The following TMX2 variants were observed in gnomAD, a reference collection of about 807,000 sequenced individuals.
The protein encoded by TMX2 is thioredoxin-related transmembrane protein 2.
A neutral mutation model predicts 33.4 loss-of-function variants in TMX2; 20 were observed. That is an observed-to-expected ratio of 0.60 (90% CI 0.42 to 0.87). The LOEUF is 0.87. TMX2 is among the 40% of genes least tolerant of loss of function. The pLI is 0.00. For missense variants in TMX2, 340 were observed against 370.7 expected, an observed-to-expected ratio of 0.92 and a Z score of 0.68; for synonymous variants, 166 against 140.7, an observed-to-expected ratio of 1.18 and a Z score of -1.27.
intron 1 of TMX2, among the ~76,000 whole-genome samples, chr11:57,721,908 T>A (rs987440313): frequency 6.6e-6 from 1 of 152,178 alleles, no homozygotes; most frequent in Admixed American, 6.6e-5. Flanking sequence ...CTCCCTGGAT[T>A]GGACTTGCCC....
chr11:57,714,462 C>A (rs1946845883), intron 1 of TMX2, among the ~76,000 whole-genome samples: 1 of 152,144 alleles, frequency 6.6e-6, no homozygotes, highest in Non-Finnish European at 1.5e-5. Context: ...AGATTAATAG[C>A]AATCTATTTT....
chr11:57,714,357 G>A (rs1421852637), intron 1 of TMX2, among the ~76,000 whole-genome samples: 2 of 152,314 alleles, frequency 1.3e-5, no homozygotes, highest in African/African-American at 4.8e-5. Context: ...TATTTAATAA[G>A]AGAGACATTT....
At chr11:57,730,900 G>C (rs1206719722) in intron 1 of TMX2, among the ~76,000 whole-genome samples, 1 of 152,046 alleles carries the variant, frequency 6.6e-6, no homozygotes, top group Non-Finnish European at 1.5e-5. Flanking sequence ...TTTTAAAGGG[G>C]TTGTATAATT....
rs113128831 is a variant in TMX2, at chr11:57,730,108, C to A, written c.190-7500C>A. On this transcript the variant is annotated intron_variant, in intron 1 of 7. Transcript: ENST00000278422. ...AACAGAGCAAGACTCCGTTTCCCCCCACAAAAAAAAATAATTATATATATA... is the reference window on the plus strand; with the variant it reads ...AACAGAGCAAGACTCCGTTTCCCCCAACAAAAAAAAATAATTATATATATA... Among the ~76,000 whole-genome samples the A allele has an allele frequency of 5.7e-5, 8 of 140,372 alleles. No homozygotes were observed. In the East Asian group the frequency reaches 8.4e-4, roughly 15 times the overall value. The allele number at this position is 140,372 out of a possible 152,430, so 92.1% of individuals were successfully genotyped here. A position where few individuals can be genotyped will look rare whatever the true frequency, so the allele number is the denominator to read the frequency against.
At chr11:57,716,642 G>A (rs1590903888) in intron 1 of TMX2, among the ~76,000 whole-genome samples, 3 of 141,456 alleles carry the variant, frequency 2.1e-5, no homozygotes, top group Non-Finnish European at 4.7e-5. Context: ...CTCCCGGACG[G>A]GGCGGCTGGC....
At chr11:57,740,031 T>G (rs1056821181) in intron 7 of TMX2, 68 bp from the exon 8 acceptor site, 1 of 1,606,164 alleles carries the variant, frequency 6.2e-7, no homozygotes, top group African/African-American at 1.3e-5. Flanking sequence ...GTAAAATACC[T>G]CTTACTTCCC....
intron 7 of TMX2, 32 bp downstream of exon 7, chr11:57,739,292 G>T (rs749147730): frequency 6.2e-7 from 1 of 1,612,878 alleles, no homozygotes; most frequent in Non-Finnish European, 8.5e-7. Flanking sequence ...TGCATGAAGG[G>T]TGCAGAACAG....
intron 1 of TMX2, among the ~76,000 whole-genome samples, chr11:57,716,833 CG>C (rs1388085044): frequency 7.7e-6 from 1 of 129,174 alleles, no homozygotes; most frequent in Non-Finnish European, 1.6e-5. Flanking sequence ...GCTGGCCGGG[CG>C]GGGGGCTGAC....
At chr11:57,739,285 A>C (rs1446666651) in intron 7 of TMX2, 25 bp downstream of exon 7, 3 of 1,613,732 alleles carry the variant, frequency 1.9e-6, no homozygotes, top group East Asian at 2.2e-5. Flanking sequence ...GGGCAGGTGC[A>C]TGAAGGGTGC....
At chr11:57,731,733 C>T (rs1401254300) in intron 1 of TMX2, among the ~76,000 whole-genome samples, 1 of 152,052 alleles carries the variant, frequency 6.6e-6, no homozygotes, top group Admixed American at 6.6e-5. Context: ...GTCGAGCTTC[C>T]AAGGACATAA....
intron 1 of TMX2, 103 bp downstream of exon 1, chr11:57,712,910 C>G: frequency 7.8e-7 from 1 of 1,282,744 alleles, no homozygotes; most frequent in Non-Finnish European, 1.1e-6. Context: ...ACCTGAGGTT[C>G]CGAGCCTGTA....
chr11:57,717,797 C>G (rs1947277187), intron 1 of TMX2, among the ~76,000 whole-genome samples: 1 of 147,818 alleles, frequency 6.8e-6, no homozygotes, highest in African/African-American at 2.5e-5. Context: ...TGTTTTCATT[C>G]TTTATTTTCT....
chr11:57,712,874 A>T lies in TMX2; in HGVS notation c.189+67A>T, dbSNP rs148344988. ...CCTGCCCTTGCAGGTGTATCTGGGA[A>T]CCCTGGGGTTTACCTCTCTGAGGAC... On this transcript the variant is annotated intron_variant, in intron 1 of 7. Coordinates refer to ENST00000278422, the MANE Select transcript of TMX2 (RefSeq NM_015959.4). 9.3e-5 allele frequency: 147 copies of T among 1,576,578 alleles called. No individual in the cohort carries two copies. In the African/African-American group the frequency reaches 1.7e-3, roughly 18 times the overall value.
At chr11:57,724,822 A>G (rs1222410937) in intron 1 of TMX2, among the ~76,000 whole-genome samples, 5 of 151,610 alleles carry the variant, frequency 3.3e-5, no homozygotes, top group Non-Finnish European at 5.9e-5. Flanking sequence ...GGTGGATCAC[A>G]AGGTCAAGAG....
Position 57,739,184 on chromosome 11 carries a change from TC to T in TMX2, c.670del (p.Gln224LysfsTer28). ...LTKQLPTLIL[F>X]QGGKEAMRRP... ...AAGCAACTCCCTACCCTGATCCTGT[TC>T]CAAGGTGGCAAGGAGGCAATGCGGC... On this transcript the variant is annotated frameshift_variant, in exon 7 of 8. Coordinates refer to ENST00000278422, the MANE Select transcript of TMX2 (RefSeq NM_015959.4). LOFTEE classifies it high-confidence loss of function. 2 of 1,614,072 alleles carry T rather than the reference TC, an allele frequency of 1.2e-6. No individual in the cohort carries two copies. Among genetic ancestry groups the T allele is most frequent in the South Asian group, 1.1e-5 (1 of 91,074 alleles).
At chr11:57,734,391 G>A (rs1209931254) in intron 1 of TMX2, among the ~76,000 whole-genome samples, 1 of 152,116 alleles carries the variant, frequency 6.6e-6, no homozygotes, top group African/African-American at 2.4e-5. Context: ...ACCATTTTCT[G>A]TCCTTAGAGA....
intron 3 of TMX2, 93 bp downstream of exon 3, chr11:57,738,119 C>A: frequency 9.8e-7 from 1 of 1,025,468 alleles, no homozygotes; most frequent in Non-Finnish European, 1.4e-6. Context: ...GTTGCAATCC[C>A]AAACATGTTT....
intron 1 of TMX2, among the ~76,000 whole-genome samples, chr11:57,734,971 T>A (rs895456780): frequency 6.7e-6 from 1 of 148,962 alleles, no homozygotes; most frequent in African/African-American, 2.5e-5. Flanking sequence ...CCATCTCTAC[T>A]AAAAATACAA....
chr11:57,733,737 A>C (rs1484417330), intron 1 of TMX2, among the ~76,000 whole-genome samples: 1 of 152,214 alleles, frequency 6.6e-6, no homozygotes, highest in Admixed American at 6.5e-5. Flanking sequence ...CAAATTATCC[A>C]TAATAAAAAG....
Sources: allele counts gnomAD v4.1 joint callset (sites outside exome capture counted in the v4.1 genomes callset), GRCh38; gene constraint gnomAD v4.1.1; transcripts MANE v1.5; gene names NCBI Gene and HGNC (gene_info 2026-07-23, HGNC 2026-07-21).